Variants in NLGN4X observed in about 807,000 individuals in gnomAD.
The protein encoded by NLGN4X is neuroligin 4 X-linked.
In NLGN4X, 3 loss-of-function variants were observed where a neutral mutation model predicts 40.3. The ratio of observed to expected loss-of-function variants is 0.07; its 90% CI spans 0.03 to 0.19. NLGN4X has a LOEUF of 0.19. Ranked by LOEUF, NLGN4X falls within the 10% of genes least tolerant of loss-of-function variation. The pLI is 1.00. For synonymous variants in NLGN4X, 270 were observed against 306.8 expected (o/e 0.88, Z 1.25); for missense variants, 382 against 708.3 (o/e 0.54, Z 5.23).
chrX:6,055,178 TC>T (rs2037589758), intron 2 of NLGN4X, among the ~76,000 whole-genome samples: 1 of 111,875 alleles, frequency 8.9e-6, no homozygotes, highest in Non-Finnish European at 1.9e-5. Context: ...ACAAAACCCT[TC>T]AACTGCCTGA....
In NLGN4X at chrX:6,228,725, G is replaced by C. The variant is rs1484481603; in HGVS notation, c.-490C>G. 4 of 111,748 alleles carry C rather than the reference G, an allele frequency of 3.6e-5. No homozygotes were observed. The highest frequency in any genetic ancestry group is 2.8e-4 in the East Asian group (1 of 3,567). The allele number at this position is 111,748 out of a possible 1,213,427, so 9.2% of individuals were successfully genotyped here. ...ATGCAAGAGCCACCAACACCGCCTA[G>C]TTTGGAGGAAATTCGTTGTTTCTGC... On this transcript the variant is annotated 5_prime_UTR_variant, in exon 1 of 6. Coordinates refer to ENST00000381095, the MANE Select transcript of NLGN4X (RefSeq NM_181332.3).
intron 5 of NLGN4X, among the ~76,000 whole-genome samples, chrX:5,899,182 A>G (rs1047599768): frequency 1.4e-4 from 16 of 112,301 alleles, no homozygotes; most frequent in African/African-American, 4.9e-4. Context: ...ATACCTTTCC[A>G]ATGAATTAAA....
At chrX:6,169,938 A>G (rs1292312283) in intron 1 of NLGN4X, among the ~76,000 whole-genome samples, 5 of 111,980 alleles carry the variant, frequency 4.5e-5, no homozygotes, top group Non-Finnish European at 7.5e-5. Flanking sequence ...AGTTGGCTCA[A>G]TCTAAATCAT....
At chrX:6,120,119 G>A (rs184145833) in intron 2 of NLGN4X, among the ~76,000 whole-genome samples, 1 of 111,258 alleles carries the variant, frequency 9.0e-6, no homozygotes, top group East Asian at 2.8e-4. Context: ...AAGCTGCAAT[G>A]AGCCATGATT....
chrX:6,087,601 T>C (rs1045977931), intron 2 of NLGN4X, among the ~76,000 whole-genome samples: 17 of 111,727 alleles, frequency 1.5e-4, no homozygotes, highest in Non-Finnish European at 2.6e-4. Flanking sequence ...GTAAGATAGA[T>C]TCCTGGAAGC....
chrX:6,021,747 T>G (rs1030849403), intron 3 of NLGN4X, among the ~76,000 whole-genome samples: 3 of 110,486 alleles, frequency 2.7e-5, no homozygotes, highest in African/African-American at 9.9e-5. Context: ...TTGTTTGTTT[T>G]TTTTTTTGTT....
chrX:5,972,770 G>A (rs1286225269), intron 3 of NLGN4X, among the ~76,000 whole-genome samples: 2 of 97,018 alleles, frequency 2.1e-5, no homozygotes, highest in African/African-American at 3.6e-5. Flanking sequence ...GCGGGGGCGG[G>A]GTGGGGGCGG....
At position 6,124,646 on chromosome X, in the gene NLGN4X, C is replaced by A. The variant is rs1026705013; in HGVS notation, c.472+26349G>T. 7.1e-5 allele frequency among the ~76,000 whole-genome samples: 8 copies of A among 111,905 alleles called. No individual in the cohort carries two copies. In the Admixed American group the frequency reaches 7.6e-4, roughly 11 times the overall value. ...GCAGTGAGCCGAGATCAGGCCACTG[C>A]ACTCCAGCCTGAGCAACAGAGCGAG... On this transcript the variant is annotated intron_variant, in intron 2 of 5. Transcript: ENST00000381095.
chrX:6,002,324 T>C (rs781004160), intron 3 of NLGN4X, among the ~76,000 whole-genome samples: 3 of 111,810 alleles, frequency 2.7e-5, no homozygotes, highest in Non-Finnish European at 5.6e-5. Context: ...ATGTCTTTTG[T>C]TCATCTGAAC....
At chrX:6,153,263 A>G (rs2040201512) in intron 1 of NLGN4X, among the ~76,000 whole-genome samples, 1 of 111,323 alleles carries the variant, frequency 9.0e-6, no homozygotes, top group Non-Finnish European at 1.9e-5. Context: ...ACAATAATAC[A>G]ATGGGGGGAA....
At chrX:6,080,507 T>C (rs1180545182) in intron 2 of NLGN4X, among the ~76,000 whole-genome samples, 1 of 112,061 alleles carries the variant, frequency 8.9e-6, no homozygotes, top group Non-Finnish European at 1.9e-5. Context: ...GTGCCAAAGA[T>C]GCAAAATCAC....
At chrX:5,940,787 G>T (rs2033902959) in intron 3 of NLGN4X, among the ~76,000 whole-genome samples, 2 of 109,987 alleles carry the variant, frequency 1.8e-5, no homozygotes, top group Non-Finnish European at 3.8e-5. Context: ...GCCTGACATA[G>T]CGTAAGTCAA....
chrX:6,111,533 G>A (rs762233513), intron 2 of NLGN4X, among the ~76,000 whole-genome samples: 1 of 111,296 alleles, frequency 9.0e-6, no homozygotes, highest in African/African-American at 3.3e-5. Flanking sequence ...AAGGCCAGGA[G>A]TTCAAAACCA....
intron 2 of NLGN4X, among the ~76,000 whole-genome samples, chrX:6,054,632 A>C (rs948561175): frequency 9.9e-5 from 11 of 110,794 alleles, no homozygotes; most frequent in Non-Finnish European, 2.1e-4. Flanking sequence ...ATAATAATAA[A>C]TAAATAAAAT....
chrX:6,120,228 T>A (rs767552412), intron 2 of NLGN4X, among the ~76,000 whole-genome samples: 10 of 111,536 alleles, frequency 9.0e-5, no homozygotes, highest in African/African-American at 3.3e-4. Context: ...AGACCTATAA[T>A]GAAGAGGGAC....
intron 2 of NLGN4X, among the ~76,000 whole-genome samples, chrX:6,116,858 C>T (rs2039314803): frequency 9.0e-6 from 1 of 110,901 alleles, no homozygotes; most frequent in Non-Finnish European, 1.9e-5. Context: ...AGAAGCTTTC[C>T]AGTTTTTGGA....
chrX:6,151,335 C>T lies in NLGN4X; in HGVS notation c.132G>A (p.Gln44=), dbSNP rs749992987. The T allele has an allele frequency of 1.7e-6, 2 of 1,211,728 alleles. No homozygotes were observed. Among genetic ancestry groups the T allele is most frequent in the Non-Finnish European group, 2.2e-6 (2 of 895,483 alleles). ...CATAATTTGTGTTGACAACTGGATA[C>T]TGTGCTTGGCTGTCAATGAGGGTGA... is the stretch of plus-strand genomic sequence containing the variant. ...IKFTLIDSQA[Q]YPVVNTNYGK... The change falls in exon 2 of 6, where the codon CAG becomes CAA. Residue 44 remains glutamine (Q), a synonymous_variant. Transcript: ENST00000381095.
intron 3 of NLGN4X, among the ~76,000 whole-genome samples, chrX:6,027,404 C>T (rs754131392): frequency 5.3e-5 from 6 of 112,170 alleles, no homozygotes; most frequent in Non-Finnish European, 7.5e-5. Flanking sequence ...ATAAAGCCAA[C>T]GACATAATAA....
chrX:6,057,107 A>G (rs1469815728), intron 2 of NLGN4X, among the ~76,000 whole-genome samples: 5 of 112,320 alleles, frequency 4.5e-5, no homozygotes, highest in African/African-American at 1.6e-4. Context: ...TGAAACCTCA[A>G]TGTGGCTTAA....
Sources: allele counts gnomAD v4.1 joint callset (sites outside exome capture counted in the v4.1 genomes callset), GRCh38; gene constraint gnomAD v4.1.1; transcripts MANE v1.5; gene names NCBI Gene and HGNC (gene_info 2026-07-23, HGNC 2026-07-21).